MCF2: variants seen among roughly 807,000 people sequenced by gnomAD.
MCF2 encodes the protein proto-oncogene DBL.
Under a neutral mutation model 82.5 loss-of-function variants are expected in MCF2, and 44 were observed. The ratio of observed to expected loss-of-function variants is 0.53; its 90% CI spans 0.42 to 0.69. MCF2 has a LOEUF of 0.69. Among genes scored for constraint, MCF2 ranks in the 30% least tolerant of loss-of-function variants. The pLI is 0.00. For synonymous variants in MCF2, 217 were observed against 224.9 expected (o/e 0.96, Z 0.32); for missense variants, 623 against 663.1 (o/e 0.94, Z 0.66).
chrX:139,648,384 C>A (rs184993829), intron 2 of MCF2, among the ~76,000 whole-genome samples: 57 of 109,309 alleles, frequency 5.2e-4, no homozygotes, highest in African/African-American at 1.9e-3. Context: ...CACGCCCCCC[C>A]CAAAAAGAAA....
At chrX:139,614,990 C>G (rs1179039969) in exon 10 of MCF2, 1 of 1,206,320 alleles carries the variant, frequency 8.3e-7, no homozygotes, top group Non-Finnish European at 1.1e-6. Context: ...TGAAACCAGC[C>G]TGCTGGTTCT....
At chrX:139,608,369 T>C (rs181127560) in intron 11 of MCF2, among the ~76,000 whole-genome samples, 7 of 111,695 alleles carry the variant, frequency 6.3e-5, no homozygotes, top group African/African-American at 2.3e-4. Context: ...TCTCTGTCTC[T>C]ACTCCCTGCC....
At chrX:139,706,527 T>G (rs1310008636) in intron 1 of MCF2, among the ~76,000 whole-genome samples, 2 of 110,190 alleles carry the variant, frequency 1.8e-5, no homozygotes, top group Non-Finnish European at 3.8e-5. Flanking sequence ...ACATGGACAT[T>G]AATATGGGAA....
intron 1 of MCF2, among the ~76,000 whole-genome samples, chrX:139,678,595 T>C (rs1390051378): frequency 9.0e-6 from 1 of 111,655 alleles, no homozygotes; most frequent in African/African-American, 3.3e-5. Flanking sequence ...GTAATTAATA[T>C]CAAGGATATA....
intron 9 of MCF2, 68 bp downstream of exon 12, chrX:139,616,211 ACTC>A (rs886140790): frequency 3.1e-6 from 2 of 647,247 alleles, no homozygotes; most frequent in African/African-American, 4.6e-5. Context: ...AGGTAGTAAA[ACTC>A]CTCCTACCCA....
chrX:139,632,204 A>G (rs1932959640), intron 2 of MCF2, 131 bp downstream of exon 5: 1 of 422,960 alleles, frequency 2.4e-6, no homozygotes, highest in African/African-American at 3.1e-5. Context: ...GGCATTTCAA[A>G]TGTATACTTT....
chrX:139,677,145 C>T (rs1354858932), intron 1 of MCF2, among the ~76,000 whole-genome samples: 2 of 111,354 alleles, frequency 1.8e-5, no homozygotes, highest in African/African-American at 6.5e-5. Flanking sequence ...GGGAAGAATG[C>T]CTCAAGTAAG....
At chrX:139,626,577 C>T in intron 5 of MCF2, 46 bp downstream of exon 8, 2 of 1,136,220 alleles carry the variant, frequency 1.8e-6, no homozygotes, top group South Asian at 1.9e-5. Flanking sequence ...AATTTCCTTT[C>T]AAAAATATAA....
intron 1 of MCF2, among the ~76,000 whole-genome samples, chrX:139,665,370 G>T (rs1194294000): frequency 8.9e-6 from 1 of 111,771 alleles, no homozygotes; most frequent in Non-Finnish European, 1.9e-5. Flanking sequence ...TTCCCCTCTG[G>T]CTGAAGCTGG....
intron 1 of MCF2, among the ~76,000 whole-genome samples, chrX:139,682,197 TC>T (rs1205630761): frequency 1.8e-5 from 2 of 110,886 alleles, no homozygotes; most frequent in African/African-American, 3.3e-5. Context: ...TGAGAAGACC[TC>T]CCCCCACAGG....
chrX:139,681,246 G>A (rs1399072096), intron 1 of MCF2, among the ~76,000 whole-genome samples: 1 of 112,398 alleles, frequency 8.9e-6, no homozygotes, highest in Non-Finnish European at 1.9e-5. Flanking sequence ...ATGAAGACGT[G>A]ATGACCAGAG....
Position 139,594,263 on chromosome X carries a change from G to A in MCF2, c.2277+2286C>T, listed in dbSNP as rs1481633129. Among the ~76,000 whole-genome samples the A allele has an allele frequency of 3.1e-4, 34 of 110,290 alleles. No individual in the cohort carries two copies. In the East Asian group the frequency reaches 3.7e-3, roughly 12 times the overall value. ...ATGGAACCAAAAAAGAGCCCGCACC[G>A]CCAAGTCAATCCTAAGCCAAAAGAA... On this transcript the variant is annotated intron_variant, in intron 19 of 24. Transcript: ENST00000370576.
chrX:139,649,567 A>G (rs1289515266), intron 2 of MCF2, among the ~76,000 whole-genome samples: 1 of 112,030 alleles, frequency 8.9e-6, no homozygotes, highest in Non-Finnish European at 1.9e-5. Flanking sequence ...CAAGGCTCCT[A>G]TAAGAGTAAA....
At chrX:139,699,337 G>A (rs1405923224) in intron 1 of MCF2, among the ~76,000 whole-genome samples, 1 of 111,881 alleles carries the variant, frequency 8.9e-6, no homozygotes, top group Non-Finnish European at 1.9e-5. Context: ...AGTTTTTATT[G>A]TAACAGCATT....
chrX:139,686,647 T>C (rs1325076681), intron 1 of MCF2, among the ~76,000 whole-genome samples: 3 of 111,999 alleles, frequency 2.7e-5, no homozygotes, highest in Non-Finnish European at 5.6e-5. Context: ...ATCCACTTGC[T>C]AAAGCCAAAA....
At chrX:139,642,374 C>T in intron 1 of MCF2, 1 of 1,125,052 alleles carries the variant, frequency 8.9e-7, no homozygotes. Context: ...CCTTAAAAAC[C>T]CTACTCAGCA....
chrX:139,691,825 A>G, intron 1 of MCF2: 1 of 777,986 alleles, frequency 1.3e-6, no homozygotes, highest in Non-Finnish European at 1.9e-6. Context: ...GAAAATAAAG[A>G]AAAGCCGGCC....
At chrX:139,583,019 G>C (rs1209730819) in intron 24 of MCF2, among the ~76,000 whole-genome samples, 2 of 111,344 alleles carry the variant, frequency 1.8e-5, no homozygotes, top group African/African-American at 6.5e-5. Flanking sequence ...CCTTTCAAGG[G>C]GTCTGCAAGG....
rs770493926 is a variant in MCF2, at chrX:139,590,164, T to C, written c.2278-237A>G. Reference sequence around the variant, plus strand: ...GCTTCATTTCAGTGGTTGACACAAATGTTATAAATCTGAACATCCAAGTAG... The same window carrying C: ...GCTTCATTTCAGTGGTTGACACAAACGTTATAAATCTGAACATCCAAGTAG... On this transcript the variant is annotated intron_variant, in intron 19 of 24. Transcript: ENST00000370576. Among the ~76,000 whole-genome samples the C allele has an allele frequency of 2.9e-4, 32 of 111,543 alleles. No individual in the cohort carries two copies. In the South Asian group the frequency reaches 0.012, roughly 42 times the overall value.
Sources: gnomAD v4.1 joint callset for allele counts (sites outside exome capture counted in the v4.1 genomes callset) on GRCh38, gnomAD v4.1.1 for gene constraint, MANE v1.5 for transcripts, NCBI Gene and HGNC (gene_info 2026-07-23, HGNC 2026-07-21) for gene names.